Variants in RCOR1 observed in about 807,000 individuals in gnomAD.
RCOR1 encodes the protein REST corepressor.
Under a neutral mutation model 64.0 loss-of-function variants are expected in RCOR1, and 12 were observed. That is an observed-to-expected ratio of 0.19 (90% confidence interval 0.12 to 0.30). RCOR1 has a LOEUF of 0.30. RCOR1 is among the 10% of genes least tolerant of loss of function. The pLI, the probability that RCOR1 is intolerant of heterozygous loss-of-function variation, is 1.00. For missense variants in RCOR1, 502 were observed against 621.2 expected (o/e 0.81, Z 2.04); for synonymous variants, 279 against 227.2 (o/e 1.23, Z -2.05).
intron 2 of RCOR1, chr14:102,649,715 G>A: frequency 1.2e-6 from 1 of 829,354 alleles, no homozygotes; most frequent in Non-Finnish European, 1.5e-6. Context: ...TAGTTGCATG[G>A]CTTGTAAATC....
intron 2 of RCOR1, among the ~76,000 whole-genome samples, chr14:102,663,240 TG>T (rs1205431264): frequency 6.6e-6 from 1 of 152,242 alleles, no homozygotes; most frequent in Non-Finnish European, 1.5e-5. Flanking sequence ...CCCAGCTGCA[TG>T]GAACTGTTAA....
intron 2 of RCOR1, among the ~76,000 whole-genome samples, chr14:102,618,881 CTCTT>C (rs1893816762): frequency 6.6e-6 from 1 of 152,064 alleles, no homozygotes; most frequent in African/African-American, 2.4e-5. Flanking sequence ...CTTAGGGTGG[CTCTT>C]GAAGGGCAAG....
At chr14:102,613,542 C>A (rs982234013) in intron 2 of RCOR1, among the ~76,000 whole-genome samples, 1 of 146,730 alleles carries the variant, frequency 6.8e-6, no homozygotes, top group Non-Finnish European at 1.5e-5. Flanking sequence ...ACGCCATTCT[C>A]CTGCCTCAGC....
chr14:102,641,613 AT>A (rs967924866), intron 2 of RCOR1, among the ~76,000 whole-genome samples: 74 of 152,200 alleles, frequency 4.9e-4, no homozygotes, highest in African/African-American at 1.5e-3. Flanking sequence ...TAAAAAAAAA[AT>A]AATAATATTT....
intron 2 of RCOR1, among the ~76,000 whole-genome samples, chr14:102,605,870 T>G (rs192472917): frequency 1.2e-3 from 186 of 152,128 alleles, no homozygotes; most frequent in Admixed American, 5.9e-4. Context: ...AGTTGGAAGA[T>G]GGTGATATTG....
At chr14:102,596,706 A>G (rs1381913096) in intron 2 of RCOR1, among the ~76,000 whole-genome samples, 2 of 151,464 alleles carry the variant, frequency 1.3e-5, no homozygotes, top group African/African-American at 2.4e-5. Context: ...CTGGGATTAC[A>G]GGTGCCCACC....
chr14:102,725,768 G>A (rs1896246019), intron 11 of RCOR1, among the ~76,000 whole-genome samples: 3 of 151,918 alleles, frequency 2.0e-5, no homozygotes, highest in South Asian at 4.2e-4. Flanking sequence ...GATAGGTTTT[G>A]CCTTTTTGGC....
intron 3 of RCOR1, among the ~76,000 whole-genome samples, chr14:102,683,523 G>A (rs1327511272): frequency 2.6e-5 from 4 of 152,196 alleles, no homozygotes; most frequent in East Asian, 3.9e-4. Context: ...AGGTCCCCCC[G>A]ATCCCAGACC....
chr14:102,610,719 C>T (rs1264558489), intron 2 of RCOR1, among the ~76,000 whole-genome samples: 2 of 152,104 alleles, frequency 1.3e-5, no homozygotes, highest in East Asian at 3.9e-4. Context: ...CCCACCACCA[C>T]GCCCGGCTAA....
chr14:102,676,373 C>T (rs1284140749), intron 2 of RCOR1, among the ~76,000 whole-genome samples: 1 of 138,610 alleles, frequency 7.2e-6, no homozygotes, highest in Non-Finnish European at 1.5e-5. Context: ...GACGGGGCGG[C>T]TGGCCGGGCA....
intron 2 of RCOR1, among the ~76,000 whole-genome samples, chr14:102,621,119 A>G (rs1893862058): frequency 6.6e-6 from 1 of 152,130 alleles, no homozygotes; most frequent in Non-Finnish European, 1.5e-5. Flanking sequence ...ACAGGTGTGC[A>G]CCACCATGCC....
At position 102,682,006 on chromosome 14, in the gene RCOR1, C is replaced by T. The variant is rs1249925908; in HGVS notation, c.445+28C>T. On this transcript the variant is annotated intron_variant, in intron 3 of 11. Coordinates refer to ENST00000262241, the MANE Select transcript of RCOR1 (RefSeq NM_015156.4). The stretch of plus-strand genomic sequence containing the variant: ...AAGTCTTGGAGCACTTTATTTTCCA[C>T]CTTTCTTGTTTAATGTAAGGTTTTA... 22 of 1,534,976 alleles carry T rather than the reference C, an allele frequency of 1.4e-5. No individual in the cohort carries two copies. The East Asian group carries it at 4.0e-4, about 28-fold the overall frequency.
At chr14:102,691,160 G>C (rs1895523599) in intron 3 of RCOR1, among the ~76,000 whole-genome samples, 1 of 152,200 alleles carries the variant, frequency 6.6e-6, no homozygotes, top group Non-Finnish European at 1.5e-5. Context: ...CAGTCTACGG[G>C]AAGCTGCACT....
intron 10 of RCOR1, 152 bp downstream of exon 10, chr14:102,721,529 C>A: frequency 1.4e-5 from 6 of 441,548 alleles, no homozygotes; most frequent in South Asian, 7.0e-5. Flanking sequence ...CCAGCCTGGA[C>A]AACAGAGGGA....
chr14:102,614,941 C>A (rs1893722784), intron 2 of RCOR1, among the ~76,000 whole-genome samples: 1 of 151,076 alleles, frequency 6.6e-6, no homozygotes, highest in Non-Finnish European at 1.5e-5. Context: ...ATACCATTCT[C>A]CTGCCTCAGC....
chr14:102,619,592 T>A (rs1893832838), intron 2 of RCOR1, among the ~76,000 whole-genome samples: 2 of 151,856 alleles, frequency 1.3e-5, no homozygotes, highest in African/African-American at 4.8e-5. Context: ...GCGATCTTCC[T>A]GCCTCAGCCT....
chr14:102,675,047 CAAAAAA>C lies in RCOR1; in HGVS notation c.362-6829_362-6824del, dbSNP rs761294133. 5.3e-3 allele frequency among the ~76,000 whole-genome samples: 333 copies of C among 63,414 alleles called. 1 individual carries two copies. Among genetic ancestry groups the C allele is most frequent in the African/African-American group, 0.019 (310 of 16,344 alleles). The allele number at this position is 63,414 out of a possible 152,430, so 41.6% of individuals were successfully genotyped here. ...TGGGCGACAGAGCAAGACTCCACCT[CAAAAAA>C]AAAAAAAAAAAAAAAAAAGTCAACT... On this transcript the variant is annotated intron_variant, in intron 2 of 11. Transcript: ENST00000262241.
chr14:102,722,366 C>G lies in RCOR1; in HGVS notation c.1369C>G (p.Pro457Ala), dbSNP rs1038898106. 1.2e-6 allele frequency: 2 copies of G among 1,613,948 alleles called. No homozygotes were observed. Among genetic ancestry groups the G allele is most frequent in the Admixed American group, 1.7e-5 (1 of 59,992 alleles). The change falls in exon 11 of 12, where the codon CCT (proline) becomes GCT (alanine). Residue 457 changes from proline (P) to alanine (A), a missense_variant. Transcript: ENST00000262241. The stretch of plus-strand genomic sequence containing the variant: ...GACCAATGGGCCCAGTAACCAGAAG[C>G]CTGTGAAGTCCCCAGATAATTCCAT... ...EETNGPSNQK[P>A]VKSPDNSIKM...
intron 2 of RCOR1, among the ~76,000 whole-genome samples, chr14:102,637,316 G>A (rs34132384): frequency 0.07 from 10,652 of 151,682 alleles, 583 homozygotes; most frequent in African/African-American, 0.15. Context: ...TAGTAGAGAC[G>A]GGGTTTTACT....
Sources: gnomAD v4.1 joint callset for allele counts (sites outside exome capture counted in the v4.1 genomes callset) on GRCh38, gnomAD v4.1.1 for gene constraint, MANE v1.5 for transcripts, NCBI Gene and HGNC (gene_info 2026-07-23, HGNC 2026-07-21) for gene names.